The following MACROD2 variants were observed in gnomAD, a reference collection of about 807,000 sequenced individuals.
The protein encoded by MACROD2 is mono-ADP ribosylhydrolase 2, also known as ADP-ribose glycohydrolase MACROD2.
In MACROD2, 36 loss-of-function variants were observed where a neutral mutation model predicts 70.4. The observed-to-expected ratio is 0.51, with a 90% CI of 0.39 to 0.68. The LOEUF is 0.68. Ranked by LOEUF, MACROD2 falls within the 30% of genes least tolerant of loss-of-function variation. The probability of loss-of-function intolerance (pLI) is 0.00; values close to 1 mark genes in which losing one functional copy is unlikely to be tolerated. For missense variants in MACROD2, 496 were observed against 538.4 expected (o/e 0.92, Z 0.78); for synonymous variants, 172 against 178.8 (o/e 0.96, Z 0.30).
chr20:15,260,238 T>C (rs2146043350), intron 6 of MACROD2, among the ~76,000 whole-genome samples: 1 of 151,858 alleles, frequency 6.6e-6, no homozygotes, highest in South Asian at 2.1e-4. Context: ...TTATTTATTC[T>C]AACTGTACTT....
At chr20:14,253,211 A>G (rs1465941240) in intron 3 of MACROD2, among the ~76,000 whole-genome samples, 1 of 152,044 alleles carries the variant, frequency 6.6e-6, no homozygotes, top group African/African-American at 2.4e-5. Flanking sequence ...CAGAGCTTCC[A>G]TTTCCCCTCT....
chr20:14,826,079 A>G (rs2072899205), intron 5 of MACROD2, among the ~76,000 whole-genome samples: 1 of 152,162 alleles, frequency 6.6e-6, no homozygotes. Context: ...TTTGCTAGAG[A>G]CAATAAAAGT....
chr20:15,633,006 A>T (rs1484770025), intron 8 of MACROD2, among the ~76,000 whole-genome samples: 1 of 149,274 alleles, frequency 6.7e-6, no homozygotes, highest in Non-Finnish European at 1.5e-5. Context: ...CTACCTACCT[A>T]CTTCCTACAG....
intron 8 of MACROD2, among the ~76,000 whole-genome samples, chr20:15,744,189 A>T (rs745887544): frequency 6.6e-6 from 1 of 152,224 alleles, no homozygotes; most frequent in African/African-American, 2.4e-5. Context: ...TTGATTCATA[A>T]TGCAATTTTA....
chr20:14,691,020 C>T (rs1407807752), intron 5 of MACROD2, among the ~76,000 whole-genome samples: 2 of 152,170 alleles, frequency 1.3e-5, no homozygotes, highest in Admixed American at 6.5e-5. Context: ...TGGGCTCAAG[C>T]GATTCTCCTG....
At chr20:15,389,412 A>G (rs2045762642) in intron 6 of MACROD2, among the ~76,000 whole-genome samples, 1 of 152,186 alleles carries the variant, frequency 6.6e-6, no homozygotes, top group Admixed American at 6.5e-5. Context: ...TTGAAGGTCT[A>G]GAAGAAATTA....
intron 5 of MACROD2, among the ~76,000 whole-genome samples, chr20:15,188,815 C>A (rs1025582147): frequency 1.3e-5 from 2 of 152,096 alleles, no homozygotes; most frequent in African/African-American, 2.4e-5. Flanking sequence ...AATTGTCCCC[C>A]CTAAAATAGT....
Position 14,067,058 on chromosome 20 carries a change from G to T in MACROD2, c.164-18563G>T, listed in dbSNP as rs189197268. 7.3e-3 allele frequency among the ~76,000 whole-genome samples: 1,100 copies of T among 150,256 alleles called. 15 individuals are homozygous for T. Among genetic ancestry groups the T allele is most frequent in the African/African-American group, 0.024 (993 of 40,798 alleles). Reference sequence around the variant, plus strand: ...AATCTCCTGACCTCGTGATCCGCCCGTCTCGGCCTCCCAAAGTCCTGAGAT... The same window carrying T: ...AATCTCCTGACCTCGTGATCCGCCCTTCTCGGCCTCCCAAAGTCCTGAGAT... On this transcript the variant is annotated intron_variant, in intron 2 of 17. Coordinates refer to ENST00000684519, the MANE Select transcript of MACROD2 (RefSeq NM_001351661.2).
intron 4 of MACROD2, among the ~76,000 whole-genome samples, chr20:14,571,637 C>A (rs950063229): frequency 6.6e-6 from 1 of 152,014 alleles, no homozygotes; most frequent in Non-Finnish European, 1.5e-5. Context: ...CAAGGAGGGT[C>A]TTAAGCATTT....
chr20:14,679,052 T>C (rs1030470813), intron 4 of MACROD2, among the ~76,000 whole-genome samples: 6 of 152,078 alleles, frequency 3.9e-5, no homozygotes, highest in Non-Finnish European at 8.8e-5. Flanking sequence ...TAGGTGGGGA[T>C]ATACAAAAGA....
At chr20:15,630,722 T>C (rs1438768166) in intron 8 of MACROD2, among the ~76,000 whole-genome samples, 2 of 152,224 alleles carry the variant, frequency 1.3e-5, no homozygotes, top group Non-Finnish European at 2.9e-5. Context: ...GTGCACAAAA[T>C]GCAAGGGAGA....
intron 4 of MACROD2, among the ~76,000 whole-genome samples, chr20:14,519,614 G>T (rs2085141796): frequency 6.6e-6 from 1 of 152,122 alleles, no homozygotes; most frequent in African/African-American, 2.4e-5. Flanking sequence ...CATACTGCTT[G>T]TGTTTTTGTA....
intron 15 of MACROD2, among the ~76,000 whole-genome samples, chr20:15,988,774 T>C (rs2066519687): frequency 1.3e-5 from 2 of 152,192 alleles, no homozygotes; most frequent in African/African-American, 4.8e-5. Flanking sequence ...CTGGTAGTCT[T>C]GAATTAACCA....
chr20:15,999,669 A>G (rs1333136567), intron 15 of MACROD2, among the ~76,000 whole-genome samples: 1 of 152,226 alleles, frequency 6.6e-6, no homozygotes, highest in Non-Finnish European at 1.5e-5. Context: ...TGGTGGATAA[A>G]TACATACAAT....
At chr20:14,260,316 G>A (rs999397298) in intron 3 of MACROD2, among the ~76,000 whole-genome samples, 3 of 152,214 alleles carry the variant, frequency 2.0e-5, no homozygotes, top group East Asian at 3.8e-4. Flanking sequence ...TATGCCACTA[G>A]TGGGTAGTGT....
At chr20:15,766,219 C>A (rs1375722430) in intron 8 of MACROD2, among the ~76,000 whole-genome samples, 1 of 152,130 alleles carries the variant, frequency 6.6e-6, no homozygotes, top group African/African-American at 2.4e-5. Context: ...TCCATCAGAG[C>A]CATTTCTCCT....
chr20:16,036,212 C>G (rs2067233173), intron 15 of MACROD2, among the ~76,000 whole-genome samples: 1 of 151,852 alleles, frequency 6.6e-6, no homozygotes, highest in African/African-American at 2.4e-5. Flanking sequence ...CAAATAATTA[C>G]TTGTAATTCT....
chr20:14,961,783 T>C (rs1455817651), intron 5 of MACROD2, among the ~76,000 whole-genome samples: 1 of 152,176 alleles, frequency 6.6e-6, no homozygotes, highest in East Asian at 1.9e-4. Context: ...TTATTTTGAA[T>C]TTTTAGACTT....
At chr20:14,169,409 A>G (rs1402864057) in intron 3 of MACROD2, among the ~76,000 whole-genome samples, 2 of 152,026 alleles carry the variant, frequency 1.3e-5, no homozygotes, top group Non-Finnish European at 2.9e-5. Flanking sequence ...TGTTCAAGCG[A>G]TTCTTCTGCC....
Sources: allele counts gnomAD v4.1 joint callset (sites outside exome capture counted in the v4.1 genomes callset), GRCh38; gene constraint gnomAD v4.1.1; transcripts MANE v1.5; gene names NCBI Gene and HGNC (gene_info 2026-07-23, HGNC 2026-07-21).